The following PCDHA10 variants were observed in gnomAD, a reference collection of about 807,000 sequenced individuals.
PCDHA10 encodes protocadherin alpha 10.
Under a neutral mutation model 61.2 loss-of-function variants are expected in PCDHA10, and 45 were observed. That is an observed-to-expected ratio of 0.74 (90% confidence interval 0.58 to 0.94). The LOEUF is 0.94. Ranked by LOEUF, PCDHA10 falls within the 40% of genes least tolerant of loss-of-function variation. The probability of loss-of-function intolerance (pLI) is 0.00; values close to 1 mark genes in which losing one functional copy is unlikely to be tolerated. For missense variants in PCDHA10, 1,278 were observed against 1,236.2 expected (o/e 1.03, Z -0.51); for synonymous variants, 602 against 548.8 (o/e 1.10, Z -1.35).
chr5:140,859,506 C>A, intron 1 of PCDHA10: 1 of 197,142 alleles, frequency 5.1e-6, no homozygotes, highest in Non-Finnish European at 1.0e-5. Flanking sequence ...ACCTGATACC[C>A]ATGATTTCAT....
In PCDHA10 at chr5:140,936,292, T is replaced by C. The variant is rs74627153; in HGVS notation, c.2389-42657T>C. Among the ~76,000 whole-genome samples the C allele has an allele frequency of 4.3e-3, 649 of 152,348 alleles. 6 individuals are homozygous for C. Among genetic ancestry groups the C allele is most frequent in the African/African-American group, 0.013 (538 of 41,592 alleles). On this transcript the variant is annotated intron_variant, in intron 1 of 3. Transcript: ENST00000307360. Reference sequence around the variant, plus strand: ...TATTCCTGTGTTTTCTTCTATAACATTGCTATCCAATAGAACTTTCTGACA... The same window carrying C: ...TATTCCTGTGTTTTCTTCTATAACACTGCTATCCAATAGAACTTTCTGACA...
chr5:140,965,331 G>T (rs2153743444), intron 1 of PCDHA10, among the ~76,000 whole-genome samples: 1 of 152,252 alleles, frequency 6.6e-6, no homozygotes, highest in Non-Finnish European at 1.5e-5. Context: ...AAGTGAATTT[G>T]TTGTCTCTGT....
At position 140,929,511 on chromosome 5, in the gene PCDHA10, G is replaced by A. The variant is rs113234119; in HGVS notation, c.2389-49438G>A. On this transcript the variant is annotated intron_variant, in intron 1 of 3. Coordinates refer to ENST00000307360, the MANE Select transcript of PCDHA10 (RefSeq NM_018901.4). ...TTAGAAGATTGCCCTAGGCCTCAAG[G>A]GACTTATAGTTTATTTTTGAGAAAC... 1,947 of 781,082 alleles carry A rather than the reference G, an allele frequency of 2.5e-3. 24 individuals carry two copies. The African/African-American group carries it at 0.032, about 13-fold the overall frequency. 48.4% of individuals were successfully genotyped at this position (781,082 alleles called of 1,614,324 possible).
At chr5:140,958,696 G>A (rs1276859394) in intron 1 of PCDHA10, among the ~76,000 whole-genome samples, 1 of 152,156 alleles carries the variant, frequency 6.6e-6, no homozygotes, top group African/African-American at 2.4e-5. Flanking sequence ...ATATCCTAGA[G>A]TGACAACTCT....
At chr5:140,935,374 T>A (rs2090335210) in intron 1 of PCDHA10, among the ~76,000 whole-genome samples, 1 of 152,248 alleles carries the variant, frequency 6.6e-6, no homozygotes. Flanking sequence ...GTCAACAGAA[T>A]TACTCATTTG....
chr5:140,863,136 G>A (rs1554157813), intron 1 of PCDHA10: 5 of 603,754 alleles, frequency 8.3e-6, no homozygotes, highest in South Asian at 5.5e-5. Context: ...ACCGCCTGCT[G>A]GTGCTGGTGA....
At chr5:140,982,041 A>C (rs1450726743) in intron 2 of PCDHA10, among the ~76,000 whole-genome samples, 2 of 152,268 alleles carry the variant, frequency 1.3e-5, no homozygotes, top group Non-Finnish European at 2.9e-5. Context: ...TCCAATTATC[A>C]GAAAATATTT....
intron 1 of PCDHA10, chr5:140,927,515 G>A (rs782499434): frequency 1.2e-6 from 2 of 1,614,100 alleles, no homozygotes; most frequent in South Asian, 1.1e-5. Flanking sequence ...GCTCGGGACG[G>A]CGGGCTACCT....
At chr5:140,877,853 AT>A in intron 1 of PCDHA10, 2 of 1,535,524 alleles carry the variant, frequency 1.3e-6, no homozygotes, top group Non-Finnish European at 1.7e-6. Context: ...AGTTATTAAT[AT>A]TATTTAGATA....
At chr5:140,960,162 C>T (rs782387212) in intron 1 of PCDHA10, among the ~76,000 whole-genome samples, 3 of 152,064 alleles carry the variant, frequency 2.0e-5, no homozygotes, top group Non-Finnish European at 4.4e-5. Context: ...ACTGATAATA[C>T]AATTCTTAAG....
chr5:140,978,802 T>C, intron 1 of PCDHA10, 147 bp from the exon 2 acceptor site: 1 of 1,483,264 alleles, frequency 6.7e-7, no homozygotes, highest in Non-Finnish European at 9.0e-7. Flanking sequence ...TATGTAGATA[T>C]CATCATAGAG....
chr5:140,884,002 C>A (rs1189374158), intron 1 of PCDHA10: 1 of 1,612,906 alleles, frequency 6.2e-7, no homozygotes, highest in Admixed American at 1.7e-5. Flanking sequence ...GCACAGTGAG[C>A]GAGCTGATGC....
At chr5:140,935,402 A>T (rs1297077002) in intron 1 of PCDHA10, among the ~76,000 whole-genome samples, 2 of 152,212 alleles carry the variant, frequency 1.3e-5, no homozygotes, top group Non-Finnish European at 2.9e-5. Flanking sequence ...ACGGGACTCA[A>T]ACAATGGACT....
chr5:140,862,882 G>T (rs782187514), intron 1 of PCDHA10: 2 of 564,526 alleles, frequency 3.5e-6, no homozygotes, highest in Non-Finnish European at 6.8e-6. Flanking sequence ...TATTAGTGCT[G>T]GAACGACAAC....
intron 1 of PCDHA10, among the ~76,000 whole-genome samples, chr5:140,923,301 G>C (rs1554201374): frequency 6.6e-6 from 1 of 152,206 alleles, no homozygotes; most frequent in African/African-American, 2.4e-5. Context: ...AGCTGGGCGT[G>C]GGGGCGCTTG....
intron 1 of PCDHA10, among the ~76,000 whole-genome samples, chr5:140,899,853 G>T (rs2067594174): frequency 6.6e-6 from 1 of 152,118 alleles, no homozygotes; most frequent in South Asian, 2.1e-4. Context: ...TGTCACCCAG[G>T]CTGGAGTGCA....
intron 1 of PCDHA10, among the ~76,000 whole-genome samples, chr5:140,953,994 A>G (rs1464982369): frequency 6.6e-6 from 1 of 151,886 alleles, no homozygotes; most frequent in Non-Finnish European, 1.5e-5. Flanking sequence ...TTTCATGTGT[A>G]CTCATCATTC....
chr5:140,934,998 T>A (rs1242919330), intron 1 of PCDHA10, among the ~76,000 whole-genome samples: 1 of 152,198 alleles, frequency 6.6e-6, no homozygotes, highest in Non-Finnish European at 1.5e-5. Flanking sequence ...CCCTGAATCC[T>A]TTTCATGTGA....
intron 3 of PCDHA10, among the ~76,000 whole-genome samples, chr5:140,993,994 A>T (rs1393081374): frequency 6.6e-6 from 1 of 152,234 alleles, no homozygotes; most frequent in African/African-American, 2.4e-5. Context: ...CACTTAGGTC[A>T]GGCCAGGCTC....
Sources: gnomAD v4.1 joint callset for allele counts (sites outside exome capture counted in the v4.1 genomes callset) on GRCh38, gnomAD v4.1.1 for gene constraint, MANE v1.5 for transcripts, NCBI Gene and HGNC (gene_info 2026-07-23, HGNC 2026-07-21) for gene names.